Variants in CNTNAP2 observed in about 807,000 individuals in gnomAD.
The protein encoded by CNTNAP2 is contactin-associated protein-like 2.
CNTNAP2 carries 98 observed loss-of-function variants against 155.2 expected under a neutral mutation model. That is an observed-to-expected ratio of 0.63 (90% CI 0.54 to 0.75). The LOEUF (loss-of-function observed/expected upper bound fraction) is 0.75. Ranked by LOEUF, CNTNAP2 falls within the 30% of genes least tolerant of loss-of-function variation. CNTNAP2 has a pLI of 0.00. For missense variants in CNTNAP2, 1,727 were observed against 1,688.1 expected (o/e 1.02, Z -0.40); for synonymous variants, 651 against 631.2 (o/e 1.03, Z -0.47).
At chr7:147,882,567 T>G (rs1012957260) in intron 13 of CNTNAP2, among the ~76,000 whole-genome samples, 1 of 152,180 alleles carries the variant, frequency 6.6e-6, no homozygotes, top group Non-Finnish European at 1.5e-5. Flanking sequence ...GCTGGAGACA[T>G]AACTGCCGAC....
intron 9 of CNTNAP2, among the ~76,000 whole-genome samples, chr7:147,317,639 C>A (rs538339888): frequency 6.6e-6 from 1 of 152,026 alleles, no homozygotes; most frequent in Non-Finnish European, 1.5e-5. Flanking sequence ...TTGTCTCAGC[C>A]CCTGGCTAAG....
chr7:146,623,573 T>C (rs893601895), intron 1 of CNTNAP2, among the ~76,000 whole-genome samples: 10 of 152,204 alleles, frequency 6.6e-5, no homozygotes, highest in African/African-American at 1.9e-4. Context: ...TATTTAACAT[T>C]CATTCTTGTC....
chr7:147,749,498 AT>A (rs1414697088), intron 13 of CNTNAP2, among the ~76,000 whole-genome samples: 1 of 152,180 alleles, frequency 6.6e-6, no homozygotes, highest in African/African-American at 2.4e-5. Context: ...CATATAAAAG[AT>A]TTTGGTGTGT....
rs536059726 is a variant in CNTNAP2, at chr7:147,602,201, T to G, written c.1898-36905T>G. Among the ~76,000 whole-genome samples, 7 of 152,202 alleles carry G rather than the reference T, an allele frequency of 4.6e-5. No homozygotes were observed. The South Asian group carries it at 1.2e-3, about 27-fold the overall frequency. On this transcript the variant is annotated intron_variant, in intron 12 of 23. Transcript: ENST00000361727. The stretch of plus-strand genomic sequence containing the variant: ...ATCCCTTAAAAAAAAATGCTACCTG[T>G]TGAACTAGATGATTATCCTGCATTT...
chr7:147,587,742 T>C (rs1248033358), intron 12 of CNTNAP2, among the ~76,000 whole-genome samples: 3 of 152,208 alleles, frequency 2.0e-5, no homozygotes, highest in Non-Finnish European at 4.4e-5. Flanking sequence ...CGCATAGTGG[T>C]ATTTTACTTG....
chr7:147,448,953 A>C (rs368380099), intron 10 of CNTNAP2, among the ~76,000 whole-genome samples: 175 of 151,208 alleles, frequency 1.2e-3, no homozygotes, highest in African/African-American at 3.9e-3. Flanking sequence ...ATAAAAAAGA[A>C]CCCTAAGCAT....
At chr7:146,324,209 C>A (rs1252548613) in intron 1 of CNTNAP2, among the ~76,000 whole-genome samples, 1 of 152,110 alleles carries the variant, frequency 6.6e-6, no homozygotes, top group African/African-American at 2.4e-5. Flanking sequence ...TTGCAGTGAG[C>A]TGAGATGGAA....
At chr7:147,663,232 G>C (rs556598922) in intron 13 of CNTNAP2, among the ~76,000 whole-genome samples, 1 of 152,160 alleles carries the variant, frequency 6.6e-6, no homozygotes, top group African/African-American at 2.4e-5. Context: ...CCTTGACCTC[G>C]TGATCCACCC....
At chr7:146,936,735 G>T (rs181464878) in intron 3 of CNTNAP2, among the ~76,000 whole-genome samples, 8 of 152,164 alleles carry the variant, frequency 5.3e-5, no homozygotes, top group Non-Finnish European at 1.2e-4. Flanking sequence ...ATAGACTGCT[G>T]AGTGTTTAAA....
chr7:146,412,651 C>T (rs1639500), intron 1 of CNTNAP2, among the ~76,000 whole-genome samples: 5,431 of 152,206 alleles, frequency 0.036, 346 homozygotes, highest in African/African-American at 0.12. Flanking sequence ...AATTTCTTTT[C>T]GGTGCATATT....
At chr7:147,265,781 G>C (rs1274205851) in intron 8 of CNTNAP2, among the ~76,000 whole-genome samples, 2 of 152,122 alleles carry the variant, frequency 1.3e-5, no homozygotes, top group African/African-American at 4.8e-5. Flanking sequence ...GGTGCCCCTT[G>C]AGGACAGAGA....
intron 3 of CNTNAP2, among the ~76,000 whole-genome samples, chr7:146,989,305 G>T (rs1798168475): frequency 6.6e-6 from 1 of 152,042 alleles, no homozygotes; most frequent in African/African-American, 2.4e-5. Flanking sequence ...TTAAATCTAG[G>T]ATGTCCCTTC....
chr7:146,799,666 G>A (rs1041782960), intron 2 of CNTNAP2, among the ~76,000 whole-genome samples: 2 of 152,172 alleles, frequency 1.3e-5, no homozygotes, highest in Non-Finnish European at 2.9e-5. Flanking sequence ...ATGACTAAAT[G>A]CAGCTGACTC....
At chr7:147,744,971 T>C (rs1043981965) in intron 13 of CNTNAP2, among the ~76,000 whole-genome samples, 1 of 151,952 alleles carries the variant, frequency 6.6e-6, no homozygotes, top group Non-Finnish European at 1.5e-5. Flanking sequence ...ACCAGAAAAA[T>C]AGAAGATCAA....
At chr7:146,972,750 G>A (rs756620101) in intron 3 of CNTNAP2, among the ~76,000 whole-genome samples, 1 of 152,122 alleles carries the variant, frequency 6.6e-6, no homozygotes, top group Non-Finnish European at 1.5e-5. Context: ...TTCCTTGAAA[G>A]CCATTTAATG....
At chr7:146,516,028 T>C (rs1225471638) in intron 1 of CNTNAP2, among the ~76,000 whole-genome samples, 5 of 152,058 alleles carry the variant, frequency 3.3e-5, no homozygotes, top group African/African-American at 9.7e-5. Flanking sequence ...AAGTAGATCA[T>C]CATAATCTTA....
At chr7:146,882,317 G>A in intron 3 of CNTNAP2, among the ~76,000 whole-genome samples, 1 of 151,890 alleles carries the variant, frequency 6.6e-6, no homozygotes, top group East Asian at 1.9e-4. Flanking sequence ...TTTCTTTTGG[G>A]AATATACCCA....
chr7:148,079,909 G>A (rs559525847), intron 15 of CNTNAP2, among the ~76,000 whole-genome samples: 1 of 152,332 alleles, frequency 6.6e-6, no homozygotes, highest in South Asian at 2.1e-4. Context: ...GAATGCCCTT[G>A]GCTGAGAGGA....
At chr7:147,046,782 C>A (rs1175080489) in intron 4 of CNTNAP2, among the ~76,000 whole-genome samples, 1 of 152,018 alleles carries the variant, frequency 6.6e-6, no homozygotes, top group African/African-American at 2.4e-5. Context: ...GTAATCCCAG[C>A]ACTTTGGGAG....
Sources: allele counts gnomAD v4.1 joint callset (sites outside exome capture counted in the v4.1 genomes callset), GRCh38; gene constraint gnomAD v4.1.1; transcripts MANE v1.5; gene names NCBI Gene and HGNC (gene_info 2026-07-23, HGNC 2026-07-21).